TEX11: variants seen among roughly 807,000 people sequenced by gnomAD.
The protein encoded by TEX11 is testis-expressed protein 11.
A neutral mutation model predicts 84.4 loss-of-function variants in TEX11; 7 were observed. The observed-to-expected ratio is 0.08, with a 90% CI of 0.05 to 0.16. The LOEUF (loss-of-function observed/expected upper bound fraction) is 0.16, where lower values mean the gene tolerates loss of function less well. TEX11 is among the 10% of genes least tolerant of loss of function. The probability of loss-of-function intolerance (pLI) is 1.00; values close to 1 mark genes in which losing one functional copy is unlikely to be tolerated. For missense variants in TEX11, 551 were observed against 660.5 expected (o/e 0.83, Z 1.82); for synonymous variants, 264 against 222.8 (o/e 1.18, Z -1.64).
chrX:70,891,286 G>A (rs1489220615), intron 2 of TEX11, among the ~76,000 whole-genome samples: 1 of 111,989 alleles, frequency 8.9e-6, no homozygotes, highest in Non-Finnish European at 1.9e-5. Context: ...AACCAGAGCA[G>A]ACAAGCTGAA....
intron 24 of TEX11, among the ~76,000 whole-genome samples, chrX:70,594,071 G>A (rs2088971556): frequency 9.0e-6 from 1 of 111,397 alleles, no homozygotes; most frequent in African/African-American, 3.3e-5. Context: ...ATCCAACCAA[G>A]ATACATTACA....
chrX:70,737,073 G>T (rs1320429508), intron 11 of TEX11, among the ~76,000 whole-genome samples: 2 of 111,216 alleles, frequency 1.8e-5, no homozygotes, highest in Non-Finnish European at 3.8e-5. Context: ...ATAGATATTA[G>T]AATTATCAAA....
intron 2 of TEX11, among the ~76,000 whole-genome samples, chrX:70,887,990 T>C (rs2091718909): frequency 8.8e-6 from 1 of 113,021 alleles, no homozygotes; most frequent in Non-Finnish European, 1.9e-5. Flanking sequence ...TCTCTACGAG[T>C]CTGCAAGAAA....
intron 10 of TEX11, among the ~76,000 whole-genome samples, chrX:70,741,004 G>T (rs979784284): frequency 9.0e-6 from 1 of 110,514 alleles, no homozygotes; most frequent in Non-Finnish European, 1.9e-5. Flanking sequence ...TACAGTAATG[G>T]CTATATTCCT....
At chrX:70,877,351 G>T (rs2091660997) in intron 3 of TEX11, among the ~76,000 whole-genome samples, 1 of 110,254 alleles carries the variant, frequency 9.1e-6, no homozygotes, top group African/African-American at 3.3e-5. Context: ...TCACTAGGAT[G>T]ACTACTATCA....
chrX:70,578,553 C>T (rs1227017685), intron 25 of TEX11, among the ~76,000 whole-genome samples: 5 of 111,129 alleles, frequency 4.5e-5, no homozygotes, highest in Non-Finnish European at 7.5e-5. Flanking sequence ...TTCATAAGAT[C>T]GCTTTATCTA....
At chrX:70,733,139 A>C (rs2090667822) in intron 11 of TEX11, among the ~76,000 whole-genome samples, 1 of 112,127 alleles carries the variant, frequency 8.9e-6, no homozygotes, top group African/African-American at 3.2e-5. Flanking sequence ...TACACTTTAT[A>C]CTAAAATTAA....
At chrX:70,759,567 T>C (rs888000284) in intron 9 of TEX11, among the ~76,000 whole-genome samples, 1 of 111,850 alleles carries the variant, frequency 8.9e-6, no homozygotes, top group East Asian at 2.8e-4. Flanking sequence ...TCAACAGCCC[T>C]TCATGCTAAA....
chrX:70,677,454 A>G (rs1364313457), intron 15 of TEX11, among the ~76,000 whole-genome samples: 1 of 111,899 alleles, frequency 8.9e-6, no homozygotes, highest in Non-Finnish European at 1.9e-5. Flanking sequence ...AGCTTCAGGT[A>G]ATTTTGCTTC....
intron 25 of TEX11, among the ~76,000 whole-genome samples, chrX:70,558,324 G>A (rs2088316665): frequency 1.8e-5 from 2 of 111,204 alleles, no homozygotes; most frequent in African/African-American, 6.5e-5. Flanking sequence ...ATGAGGGAAA[G>A]GATAGTCTTT....
chrX:70,568,535 G>A (rs1603079755), intron 25 of TEX11, among the ~76,000 whole-genome samples: 1 of 110,819 alleles, frequency 9.0e-6, no homozygotes, highest in Non-Finnish European at 1.9e-5. Context: ...ATTTTGCCGT[G>A]GCTGGTCCCA....
chrX:70,817,517 G>C (rs969863064), intron 8 of TEX11, among the ~76,000 whole-genome samples: 1 of 111,714 alleles, frequency 9.0e-6, no homozygotes, highest in African/African-American at 3.3e-5. Context: ...AGGCTGCAGT[G>C]AGCTAAAAAT....
At chrX:70,605,234 A>T (rs759519159) in intron 24 of TEX11, among the ~76,000 whole-genome samples, 167 bp downstream of exon 24, 1 of 111,973 alleles carries the variant, frequency 8.9e-6, no homozygotes, top group Non-Finnish European at 1.9e-5. Context: ...ACCAAAAGTA[A>T]CCTTTGCTTA....
rs759354751 is a variant in TEX11 at position 70,841,774 on chromosome X, C to A, written c.526-8181G>T. Among the ~76,000 whole-genome samples, 3 of 110,008 alleles carry A rather than the reference C, an allele frequency of 2.7e-5. No individual in the cohort carries two copies. In the South Asian group the frequency reaches 1.2e-3, roughly 43 times the overall value. ...AGAAAAGAGAGAAGAATCAATTAGA[C>A]GCAATAAAAAATGATAAAGGGGATA... is the stretch of plus-strand genomic sequence containing the variant. On this transcript the variant is annotated intron_variant, in intron 7 of 29. Coordinates refer to ENST00000374333, the MANE Select transcript of TEX11 (RefSeq NM_031276.3).
chrX:70,524,110 A>T (rs2087802001), downstream of TEX11, among the ~76,000 whole-genome samples: 3 of 111,861 alleles, frequency 2.7e-5, no homozygotes. Flanking sequence ...AGATAGTACA[A>T]TTATTGAGCA....
chrX:70,642,561 C>T (rs2147590163), intron 17 of TEX11, among the ~76,000 whole-genome samples: 1 of 102,197 alleles, frequency 9.8e-6, no homozygotes, highest in East Asian at 3.1e-4. Flanking sequence ...CATCAAAAAG[C>T]TTATCCACCA....
chrX:70,621,768 A>G (rs1298592196), intron 20 of TEX11, among the ~76,000 whole-genome samples: 1 of 105,428 alleles, frequency 9.5e-6, no homozygotes, highest in Non-Finnish European at 1.9e-5. Flanking sequence ...AAAGCAGCAG[A>G]TTTTTCAGGG....
At chrX:70,760,754 C>G (rs746894147) in intron 9 of TEX11, among the ~76,000 whole-genome samples, 1 of 111,747 alleles carries the variant, frequency 8.9e-6, no homozygotes, top group East Asian at 2.8e-4. Context: ...CAAAAATTGA[C>G]AAATGGGATC....
chrX:70,621,388 GCGGA>G (rs2089382608), intron 20 of TEX11, among the ~76,000 whole-genome samples: 1 of 102,336 alleles, frequency 9.8e-6, no homozygotes, highest in East Asian at 3.1e-4. Flanking sequence ...GGGTGTGGTG[GCGGA>G]TGCCTGTAGT....
Sources: gnomAD v4.1 joint callset for allele counts (sites outside exome capture counted in the v4.1 genomes callset) on GRCh38, gnomAD v4.1.1 for gene constraint, MANE v1.5 for transcripts, NCBI Gene and HGNC (gene_info 2026-07-23, HGNC 2026-07-21) for gene names.